Variants in CAMTA1 observed in about 807,000 individuals in gnomAD.
The protein encoded by CAMTA1 is calmodulin-binding transcription activator 1.
CAMTA1 carries 27 observed loss-of-function variants against 170.9 expected under a neutral mutation model. That is an observed-to-expected ratio of 0.16 (90% CI 0.12 to 0.22). CAMTA1 has a LOEUF of 0.22. CAMTA1 is among the 10% of genes least tolerant of loss of function. The pLI is 1.00. For synonymous variants in CAMTA1, 833 were observed against 891.5 expected (o/e 0.93, Z 1.17); for missense variants, 1,619 against 2,217.2 (o/e 0.73, Z 5.42).
At chr1:7,109,583 C>T (rs542016609) in intron 4 of CAMTA1, among the ~76,000 whole-genome samples, 126 of 152,308 alleles carry the variant, frequency 8.3e-4, no homozygotes, top group African/African-American at 2.3e-3. Context: ...ACACAGCTCT[C>T]GTTTCAGACA....
chr1:6,881,063 G>A (rs894566170), intron 3 of CAMTA1, among the ~76,000 whole-genome samples: 2 of 152,242 alleles, frequency 1.3e-5, no homozygotes, highest in South Asian at 4.2e-4. Context: ...CAAGGAAACC[G>A]AGATACAGAG....
chr1:7,762,933 A>G (rs1159630885), intron 22 of CAMTA1, among the ~76,000 whole-genome samples: 1 of 152,222 alleles, frequency 6.6e-6, no homozygotes, highest in Non-Finnish European at 1.5e-5. Context: ...TTCCAAATGC[A>G]TGTTTCTTAT....
intron 5 of CAMTA1, among the ~76,000 whole-genome samples, chr1:7,459,307 G>T (rs558577443): frequency 4.4e-4 from 67 of 152,296 alleles, no homozygotes; most frequent in Admixed American, 1.6e-3. Flanking sequence ...GAGAACTAGG[G>T]TAAGAGGAAT....
chr1:6,790,118 C>T (rs1380442054), intron 1 of CAMTA1, among the ~76,000 whole-genome samples: 1 of 152,132 alleles, frequency 6.6e-6, no homozygotes, highest in Admixed American at 6.5e-5. Context: ...CGCAAGCTGC[C>T]ACGCCTGGCC....
intron 6 of CAMTA1, among the ~76,000 whole-genome samples, chr1:7,631,829 C>T (rs762830053): frequency 2.0e-5 from 3 of 152,190 alleles, no homozygotes; most frequent in Non-Finnish European, 4.4e-5. Flanking sequence ...GGGATAGAAC[C>T]CAAGCCTGCC....
At chr1:7,303,262 C>T (rs968428333) in intron 5 of CAMTA1, among the ~76,000 whole-genome samples, 4 of 152,134 alleles carry the variant, frequency 2.6e-5, no homozygotes, top group African/African-American at 9.7e-5. Context: ...GGCTTCAGCA[C>T]CACAAGCTTT....
At chr1:7,637,923 C>A (rs987970445) in intron 6 of CAMTA1, among the ~76,000 whole-genome samples, 5 of 152,216 alleles carry the variant, frequency 3.3e-5, no homozygotes, top group Non-Finnish European at 5.9e-5. Flanking sequence ...AGCATGATTA[C>A]CGCAATCCAG....
At chr1:7,245,229 CAT>C (rs942130137) in intron 4 of CAMTA1, among the ~76,000 whole-genome samples, 2 of 150,392 alleles carry the variant, frequency 1.3e-5, no homozygotes, top group Non-Finnish European at 3.0e-5. Context: ...CACACACACA[CAT>C]ACATACATAC....
intron 4 of CAMTA1, among the ~76,000 whole-genome samples, chr1:7,228,741 T>C (rs1662161058): frequency 6.6e-6 from 1 of 152,170 alleles, no homozygotes; most frequent in Non-Finnish European, 1.5e-5. Context: ...CATTCGGGAT[T>C]GGCCCTGAGG....
chr1:7,139,821 C>G lies in CAMTA1; in HGVS notation c.302+48450C>G, dbSNP rs565962921. Among the ~76,000 whole-genome samples the G allele has an allele frequency of 7.2e-5, 11 of 152,304 alleles. No homozygotes were observed. The South Asian group carries it at 1.7e-3, about 23-fold the overall frequency. ...TCTCCCTGAGCAGCAGTTCGCAATG[C>G]TTCGTGACTCAAATTGTGCAGGTTT... On this transcript the variant is annotated intron_variant, in intron 4 of 22. Transcript: ENST00000303635.
chr1:7,322,961 CTTCCTCCGTTCCTCCCTT>C (rs1574671817), intron 5 of CAMTA1, among the ~76,000 whole-genome samples: 1 of 146,004 alleles, frequency 6.8e-6, no homozygotes, highest in African/African-American at 2.5e-5. Flanking sequence ...CTCCCCTCCC[CTTCCTCCGTTCCTCCCTT>C]TCCCCTTCCC....
chr1:6,877,037 C>T (rs539586871), intron 3 of CAMTA1, among the ~76,000 whole-genome samples: 7 of 152,272 alleles, frequency 4.6e-5, no homozygotes, highest in East Asian at 1.9e-4. Context: ...CTTCGGTGCC[C>T]GCCTCCAGGC....
intron 3 of CAMTA1, among the ~76,000 whole-genome samples, chr1:7,037,901 T>C (rs1703860360): frequency 6.9e-6 from 1 of 145,652 alleles, no homozygotes; most frequent in Admixed American, 7.0e-5. Flanking sequence ...GGAATATATA[T>C]ATTGGTTTGA....
chr1:7,150,828 T>G (rs1646529795), intron 4 of CAMTA1, among the ~76,000 whole-genome samples: 1 of 152,144 alleles, frequency 6.6e-6, no homozygotes, highest in Non-Finnish European at 1.5e-5. Context: ...AAGTGGGAAG[T>G]GTATTTTCCC....
chr1:6,938,913 G>A (rs1685932305), intron 3 of CAMTA1, among the ~76,000 whole-genome samples: 2 of 152,272 alleles, frequency 1.3e-5, no homozygotes, highest in South Asian at 4.1e-4. Flanking sequence ...GCTGCCCTGC[G>A]GCCCCACTGT....
intron 11 of CAMTA1, among the ~76,000 whole-genome samples, chr1:7,678,146 C>G (rs2096142609): frequency 6.6e-6 from 1 of 152,218 alleles, no homozygotes; most frequent in Non-Finnish European, 1.5e-5. Flanking sequence ...AAAAGGGTTC[C>G]CAGAGGCCAT....
In CAMTA1 at chr1:7,642,877, A is replaced by G. The variant is rs1477596551; in HGVS notation, c.664+2324A>G. Among the ~76,000 whole-genome samples the G allele has an allele frequency of 6.6e-6, 1 of 152,062 alleles. No homozygotes were observed. Among genetic ancestry groups the G allele is most frequent in the African/African-American group, 2.4e-5 (1 of 41,410 alleles). On this transcript the variant is annotated intron_variant, in intron 7 of 22. Coordinates refer to ENST00000303635, the MANE Select transcript of CAMTA1 (RefSeq NM_015215.4). This position sits in a 1 kb window ranked among gnomAD's most constrained non-coding sequence, Gnocchi z 6.3. ...CCCGGCTCAGCTCCTCCACCCCTGC[A>G]CACCATGTCCAAGGGGCTGAGGCTG...
At chr1:7,571,384 T>G (rs1038899562) in intron 6 of CAMTA1, among the ~76,000 whole-genome samples, 2 of 152,210 alleles carry the variant, frequency 1.3e-5, no homozygotes, top group African/African-American at 4.8e-5. Context: ...TTTGTTATGT[T>G]GGTAAACTTG....
chr1:7,716,660 G>T (rs1173873321), intron 11 of CAMTA1, among the ~76,000 whole-genome samples: 1 of 152,090 alleles, frequency 6.6e-6, no homozygotes, highest in Non-Finnish European at 1.5e-5. Flanking sequence ...TGTGCAGATG[G>T]TCCCCCTAGA....
Sources: allele counts gnomAD v4.1 joint callset (sites outside exome capture counted in the v4.1 genomes callset), GRCh38; gene constraint gnomAD v4.1.1; non-coding constraint Gnocchi (gnomAD v3.1); transcripts MANE v1.5; gene names NCBI Gene and HGNC (gene_info 2026-07-23, HGNC 2026-07-21).